Variants in GPC2 observed in about 807,000 individuals in gnomAD.
The protein encoded by GPC2 is glypican-2.
In GPC2, 42 loss-of-function variants were observed where a neutral mutation model predicts 57.3. The observed-to-expected ratio is 0.73, with a 90% CI of 0.57 to 0.95. The LOEUF (loss-of-function observed/expected upper bound fraction) is 0.95, where lower values mean the gene tolerates loss of function less well. GPC2 is among the 40% of genes least tolerant of loss of function. The pLI is 0.00. For synonymous variants in GPC2, 364 were observed against 343.4 expected, an observed-to-expected ratio of 1.06 and a Z score of -0.66; for missense variants, 745 against 793.6, an observed-to-expected ratio of 0.94 and a Z score of 0.74.
In GPC2 at chr7:100,172,805, G is replaced by T. The variant is rs185022115; in HGVS notation, c.893-588C>A. Among the ~76,000 whole-genome samples the T allele has an allele frequency of 1.6e-3, 242 of 147,956 alleles. 1 individual carries two copies. The highest frequency in any genetic ancestry group is 7.1e-3 in the Middle Eastern group (2 of 280). ...TGTATATATATACGTATATATATGT[G>T]TGTATATATATACGTGTATATATAT... On this transcript the variant is annotated intron_variant, in intron 5 of 9. Coordinates refer to ENST00000292377, the MANE Select transcript of GPC2 (RefSeq NM_152742.3).
At position 100,175,902 on chromosome 7, in the gene GPC2, A is replaced by AAATGCAGGGAACAGGTGG; in HGVS notation, c.326-26_326-9dup. ...GCATCTCCAGAAAAAACTCTGCAGC[A>AAATGCAGGGAACAGGTGG]AATGCAGGGAACAGGTGGAAGGCAG... On this transcript the variant is annotated splice_polypyrimidine_tract_variant and intron_variant, in intron 2 of 9. Transcript: ENST00000292377. 6.2e-7 allele frequency: 1 copy of AAATGCAGGGAACAGGTGG among 1,611,756 alleles called. No homozygotes were observed. The highest frequency in any genetic ancestry group is 8.5e-7 in the Non-Finnish European group (1 of 1,178,036).
At position 100,172,637 on chromosome 7, in the gene GPC2, GTA is replaced by G. The variant is rs147325898; in HGVS notation, c.893-422_893-421del. Among the ~76,000 whole-genome samples, 765 of 133,034 alleles carry G rather than the reference GTA, an allele frequency of 5.8e-3. 7 individuals carry two copies. The highest frequency in any genetic ancestry group is 9.3e-3 in the Admixed American group (114 of 12,220). 87.3% of individuals were successfully genotyped at this position (133,034 alleles called of 152,430 possible). On this transcript the variant is annotated intron_variant, in intron 5 of 9. Coordinates refer to ENST00000292377, the MANE Select transcript of GPC2 (RefSeq NM_152742.3). ...CCTGCCACCATGCCGGCTAATTTTTGTATATATATATATGTGTGTGTGTATAT... is the reference window on the plus strand; with the variant it reads ...CCTGCCACCATGCCGGCTAATTTTTGTATATATATATGTGTGTGTGTATAT...
intron 1 of GPC2, 36 bp from the exon 2 acceptor site, chr7:100,176,401 G>C: frequency 6.3e-7 from 1 of 1,595,562 alleles, no homozygotes; most frequent in South Asian, 1.1e-5. Context: ...GGTGGGAAGT[G>C]ATATCCTAAA....
At position 100,172,359 on chromosome 7, in the gene GPC2, C is replaced by G. The variant is rs1004721428; in HGVS notation, c.893-142G>C. 6.8e-6 allele frequency: 6 copies of G among 886,952 alleles called. No homozygotes were observed. The Admixed American group carries it at 1.4e-4, about 21-fold the overall frequency. 54.9% of individuals were successfully genotyped at this position (886,952 alleles called of 1,614,324 possible). A position where few individuals can be genotyped will look rare whatever the true frequency, so the allele number is the denominator to read the frequency against. On this transcript the variant is annotated intron_variant, in intron 5 of 9. Coordinates refer to ENST00000292377, the MANE Select transcript of GPC2 (RefSeq NM_152742.3). The stretch of plus-strand genomic sequence containing the variant: ...CATGAGCTCCCTCTCATGTATCCCC[C>G]CAATTTGGCTTTAAAGCCCCTCTCC...
At chr7:100,174,137 G>A (rs1456501530) in intron 4 of GPC2, 140 bp from the exon 5 acceptor site, 3 of 670,488 alleles carry the variant, frequency 4.5e-6, no homozygotes, top group Non-Finnish European at 7.2e-6. Flanking sequence ...AGGTGAGATT[G>A]TCACAGATCT....
chr7:100,172,936 T>A (rs1255200137), intron 5 of GPC2, among the ~76,000 whole-genome samples: 3 of 150,606 alleles, frequency 2.0e-5, no homozygotes, highest in Non-Finnish European at 3.0e-5. Flanking sequence ...TGCAATGGCA[T>A]GATCTTGGCT....
At position 100,171,933 on chromosome 7, in the gene GPC2, A is replaced by G. The variant is rs1394320420; in HGVS notation, c.1024-8T>C. The stretch of plus-strand genomic sequence containing the variant: ...GCCGCACTCCTGAAACACCTGCGGC[A>G]CCGGGAAGAGACCTCACACAGTCAC... On this transcript the variant is annotated splice_polypyrimidine_tract_variant and splice_region_variant and intron_variant, in intron 6 of 9. Coordinates refer to ENST00000292377, the MANE Select transcript of GPC2 (RefSeq NM_152742.3). The surrounding 1 kb of genome is among the most constrained non-coding windows in gnomAD (Gnocchi z 4.8). 6.6e-7 allele frequency: 1 copy of G among 1,511,208 alleles called. No individual in the cohort carries two copies. The highest frequency in any genetic ancestry group is 1.3e-5 in the South Asian group (1 of 78,312). The allele number at this position is 1,511,208 out of a possible 1,614,324, so 93.6% of individuals were successfully genotyped here. A position where few individuals can be genotyped will look rare whatever the true frequency, so the allele number is the denominator to read the frequency against.
chr7:100,175,924 G>A, intron 2 of GPC2, 30 bp from the exon 3 acceptor site: 1 of 1,588,378 alleles, frequency 6.3e-7, no homozygotes, highest in African/African-American at 1.3e-5. Flanking sequence ...CAGGTGGAAG[G>A]CAGGTCAGGC....
rs1799168521 is a variant in GPC2 at position 100,171,132 on chromosome 7, G to T, written c.1486+129C>A. ...TCTTTCAGGGCAACGCTCAATAAAT[G>T]CTCGTTGAATGAATTAGTGAATTAA... is the stretch of plus-strand genomic sequence containing the variant. On this transcript the variant is annotated intron_variant, in intron 9 of 9. Coordinates refer to ENST00000292377, the MANE Select transcript of GPC2 (RefSeq NM_152742.3). This position sits in a 1 kb window ranked among gnomAD's most constrained non-coding sequence, Gnocchi z 4.8. 2.4e-6 allele frequency: 2 copies of T among 834,920 alleles called. No homozygotes were observed. Among genetic ancestry groups the T allele is most frequent in the South Asian group, 3.9e-5 (2 of 51,768 alleles). The allele number at this position is 834,920 out of a possible 1,614,324, so 51.7% of individuals were successfully genotyped here. A position where few individuals can be genotyped will look rare whatever the true frequency, so the allele number is the denominator to read the frequency against.
At position 100,171,482 on chromosome 7, in the gene GPC2, C is replaced by T. The variant is rs955209149; in HGVS notation, c.1311-46G>A. On this transcript the variant is annotated intron_variant, in intron 8 of 9. Transcript: ENST00000292377. The surrounding 1 kb of genome is among the most constrained non-coding windows in gnomAD (Gnocchi z 4.8). The stretch of plus-strand genomic sequence containing the variant: ...AAGCGCCAGCTAGCGCGCGCGGCCC[C>T]GCCCCTCCCGGCCGCGGTCCCGCCC... 1.5e-6 allele frequency: 2 copies of T among 1,350,244 alleles called. No individual in the cohort carries two copies. The highest frequency in any genetic ancestry group is 1.5e-5 in the African/African-American group (1 of 64,954). 83.6% of individuals were successfully genotyped at this position (1,350,244 alleles called of 1,614,324 possible).
intron 5 of GPC2, among the ~76,000 whole-genome samples, chr7:100,172,749 GTA>G (rs774184744): frequency 2.0e-5 from 2 of 101,312 alleles, no homozygotes; most frequent in Non-Finnish European, 4.8e-5. Flanking sequence ...ATATATGTGT[GTA>G]TATATATGTG....
At position 100,171,391 on chromosome 7, in the gene GPC2, G is replaced by C; in HGVS notation, c.1356C>G (p.Asn452Lys). The change falls in exon 9 of 10, where the codon AAC becomes AAG. Residue 452 changes from asparagine to lysine, a missense_variant. Asn to Lys is a moderately conservative substitution (Grantham distance 94, BLOSUM62 0). Coordinates refer to ENST00000292377, the MANE Select transcript of GPC2 (RefSeq NM_152742.3). The surrounding 1 kb of genome is among the most constrained non-coding windows in gnomAD (Gnocchi z 4.8). ...VVGGSPAEQVNNPELKVDASG... is the reference protein window; with the variant it reads ...VVGGSPAEQVKNPELKVDASG... ...AGGCGTCCACCTTGAGCTCGGGGTT[G>C]TTGACCTGCTCGGCCGGGGAGCCCC... 6.6e-7 allele frequency: 1 copy of C among 1,520,500 alleles called. No homozygotes were observed. Among genetic ancestry groups the C allele is most frequent in the Non-Finnish European group, 8.8e-7 (1 of 1,134,822 alleles). 94.2% of individuals were successfully genotyped at this position (1,520,500 alleles called of 1,614,324 possible).
At position 100,171,967 on chromosome 7, in the gene GPC2, G is replaced by A. The variant is rs1190587676; in HGVS notation, c.1024-42C>T. 1 of 1,546,822 alleles carries A rather than the reference G, an allele frequency of 6.5e-7. No homozygotes were observed. The highest frequency in any genetic ancestry group is 8.7e-7 in the Non-Finnish European group (1 of 1,147,674). Reference sequence around the variant, plus strand: ...AGACCTCACACAGTCACCCTGGGGGGAAACCACACTGCGTCCCCACTCTGA... The same window carrying A: ...AGACCTCACACAGTCACCCTGGGGGAAAACCACACTGCGTCCCCACTCTGA... On this transcript the variant is annotated intron_variant, in intron 6 of 9. Coordinates refer to ENST00000292377, the MANE Select transcript of GPC2 (RefSeq NM_152742.3). The surrounding 1 kb of genome is among the most constrained non-coding windows in gnomAD (Gnocchi z 4.8).
rs955390555 is a variant in GPC2, at chr7:100,171,508, C to A, written c.1310+31G>T. On this transcript the variant is annotated intron_variant, in intron 8 of 9. Transcript: ENST00000292377. The surrounding 1 kb of genome is among the most constrained non-coding windows in gnomAD (Gnocchi z 4.8). ...GCCCCTCCCGGCCGCGGTCCCGCCCCCTGCTGCCCCCCGACGCCCCCGAGG... is the reference window on the plus strand; with the variant it reads ...GCCCCTCCCGGCCGCGGTCCCGCCCACTGCTGCCCCCCGACGCCCCCGAGG... 11 of 1,351,712 alleles carry A rather than the reference C, an allele frequency of 8.1e-6. No individual in the cohort carries two copies. The African/African-American group carries it at 1.5e-4, about 19-fold the overall frequency. 83.7% of individuals were successfully genotyped at this position (1,351,712 alleles called of 1,614,324 possible). A position where few individuals can be genotyped will look rare whatever the true frequency, so the allele number is the denominator to read the frequency against.
intron 5 of GPC2, among the ~76,000 whole-genome samples, chr7:100,172,891 A>G (rs1487561823): frequency 1.3e-5 from 2 of 149,782 alleles, no homozygotes; most frequent in Non-Finnish European, 3.0e-5. Context: ...TTTGTCTCAA[A>G]AAAAAAAGAG....
At position 100,177,294 on chromosome 7, in the gene GPC2, C is replaced by G. The variant is rs1316296082; in HGVS notation, c.-95G>C. The G allele has an allele frequency of 9.0e-7, 1 of 1,110,290 alleles. No homozygotes were observed. The highest frequency in any genetic ancestry group is 1.3e-6 in the Non-Finnish European group (1 of 797,034). The allele number at this position is 1,110,290 out of a possible 1,614,324, so 68.8% of individuals were successfully genotyped here. A position where few individuals can be genotyped will look rare whatever the true frequency, so the allele number is the denominator to read the frequency against. The stretch of plus-strand genomic sequence containing the variant: ...CCGGTACTCGGCCGCGGGACCGCTC[C>G]GCGGGCCAGAGAAAGAGCGCTGCTC... On this transcript the variant is annotated 5_prime_UTR_variant, in exon 1 of 10. Coordinates refer to ENST00000292377, the MANE Select transcript of GPC2 (RefSeq NM_152742.3).
intron 5 of GPC2, 39 bp downstream of exon 5, chr7:100,173,796 C>T (rs750388972): frequency 7.2e-5 from 106 of 1,478,104 alleles, no homozygotes; most frequent in Non-Finnish European, 9.4e-5. Flanking sequence ...CAGGTGTGAG[C>T]CACCATGCCT....
intron 5 of GPC2, chr7:100,173,610 CTTTT>C (rs1799220846): frequency 5.9e-6 from 2 of 337,614 alleles, no homozygotes; most frequent in Middle Eastern, 7.7e-4. Flanking sequence ...TTCTTTCTTT[CTTTT>C]TCTTTCTTTC....
In GPC2 at chr7:100,171,556, G is replaced by C; in HGVS notation, c.1293C>G (p.Thr431=). ...AGGCTCACCGGCCCCGCCCGGCTCC[G>C]GTCCAGCAGGGCGCCGCCTCCAGCG... ...DASLEAAPCW[T]GAGRGRYLPP... is the part of the protein sequence containing the mutation. The change falls in exon 8 of 10, where the codon ACC becomes ACG. Residue 431 remains threonine, a synonymous_variant. Coordinates refer to ENST00000292377, the MANE Select transcript of GPC2 (RefSeq NM_152742.3). This position sits in a 1 kb window ranked among gnomAD's most constrained non-coding sequence, Gnocchi z 4.8. 2 of 1,470,334 alleles carry C rather than the reference G, an allele frequency of 1.4e-6. No homozygotes were observed. Among genetic ancestry groups the C allele is most frequent in the Non-Finnish European group, 1.8e-6 (2 of 1,119,040 alleles). 91.1% of individuals were successfully genotyped at this position (1,470,334 alleles called of 1,614,324 possible). A position where few individuals can be genotyped will look rare whatever the true frequency, so the allele number is the denominator to read the frequency against.
Sources: gnomAD v4.1 joint callset for allele counts (sites outside exome capture counted in the v4.1 genomes callset) on GRCh38, gnomAD v4.1.1 for gene constraint, Gnocchi (gnomAD v3.1) non-coding constraint, MANE v1.5 for transcripts, NCBI Gene and HGNC (gene_info 2026-07-23, HGNC 2026-07-21) for gene names.